The following NPAS3 variants were observed in gnomAD, a reference collection of about 807,000 sequenced individuals.
The protein encoded by NPAS3 is neuronal PAS domain protein 3.
In NPAS3, 14 loss-of-function variants were observed where a neutral mutation model predicts 73.1. The ratio of observed to expected loss-of-function variants is 0.19; its 90% CI spans 0.13 to 0.30. The LOEUF (loss-of-function observed/expected upper bound fraction) is 0.30. Among genes scored for constraint, NPAS3 ranks in the 10% least tolerant of loss-of-function variants. NPAS3 has a pLI of 1.00. For synonymous variants in NPAS3, 620 were observed against 541.5 expected, an observed-to-expected ratio of 1.14 and a Z score of -2.01; for missense variants, 1,096 against 1,250.0, an observed-to-expected ratio of 0.88 and a Z score of 1.86.
intron 2 of NPAS3, among the ~76,000 whole-genome samples, chr14:33,132,108 T>C (rs2043659793): frequency 6.6e-6 from 1 of 151,916 alleles, no homozygotes; most frequent in Admixed American, 6.6e-5. Flanking sequence ...TGGAAGCTGG[T>C]GGGAAAGGGA....
intron 5 of NPAS3, among the ~76,000 whole-genome samples, chr14:33,653,929 T>A (rs948469842): frequency 1.3e-5 from 2 of 152,192 alleles, no homozygotes; most frequent in Admixed American, 6.5e-5. Flanking sequence ...ATGATTTTCC[T>A]CGTAACTCAC....
intron 3 of NPAS3, among the ~76,000 whole-genome samples, chr14:33,273,378 A>G (rs1304942588): frequency 6.6e-6 from 1 of 152,186 alleles, no homozygotes; most frequent in East Asian, 1.9e-4. Context: ...TAAAAGCTGT[A>G]GAAGTGGAAT....
chr14:33,281,226 T>C (rs1392845924), intron 3 of NPAS3, among the ~76,000 whole-genome samples: 1 of 152,260 alleles, frequency 6.6e-6, no homozygotes, highest in Non-Finnish European at 1.5e-5. Context: ...CATCTTGTCA[T>C]GGGATCTGGA....
At chr14:33,113,673 T>G (rs947749980) in intron 2 of NPAS3, among the ~76,000 whole-genome samples, 5 of 152,316 alleles carry the variant, frequency 3.3e-5, no homozygotes, top group Admixed American at 2.6e-4. Context: ...TTCTCCTGCC[T>G]GATTGCCCTG....
chr14:33,554,223 C>T (rs928214334), intron 4 of NPAS3, among the ~76,000 whole-genome samples: 2 of 152,168 alleles, frequency 1.3e-5, no homozygotes, highest in African/African-American at 4.8e-5. Flanking sequence ...GTCTTAGCAG[C>T]TATTAAATGC....
In NPAS3 at chr14:33,523,123, T is replaced by G. The variant is rs73267053; in HGVS notation, c.469-36998T>G. 7.7e-3 allele frequency among the ~76,000 whole-genome samples: 1,168 copies of G among 152,152 alleles called. 11 individuals carry two copies. The highest frequency in any genetic ancestry group is 0.027 in the African/African-American group (1,110 of 41,516). On this transcript the variant is annotated intron_variant, in intron 4 of 11. Coordinates refer to ENST00000356141, the Ensembl canonical transcript of NPAS3. ...GGAATTATAATCCAGTAGAAGAAAT[T>G]AAACAAATACAACAAAAAGTAAGTT...
chr14:33,629,813 C>T (rs1387032894), intron 5 of NPAS3, among the ~76,000 whole-genome samples: 1 of 151,894 alleles, frequency 6.6e-6, no homozygotes, highest in Non-Finnish European at 1.5e-5. Context: ...CATCACAGGA[C>T]TTGGTAGCTT....
chr14:33,509,707 T>G (rs1418518974), intron 4 of NPAS3, among the ~76,000 whole-genome samples: 1 of 151,974 alleles, frequency 6.6e-6, no homozygotes, highest in Non-Finnish European at 1.5e-5. Flanking sequence ...ACTCTGGTCT[T>G]CAGTGTACTG....
chr14:33,049,816 C>A (rs2040640840), intron 1 of NPAS3, among the ~76,000 whole-genome samples: 1 of 152,168 alleles, frequency 6.6e-6, no homozygotes, highest in African/African-American at 2.4e-5. Context: ...ATGCTGGGAC[C>A]CTCAGACATC....
At chr14:33,714,101 C>T (rs1381608527) in intron 6 of NPAS3, among the ~76,000 whole-genome samples, 1 of 152,096 alleles carries the variant, frequency 6.6e-6, no homozygotes, top group Non-Finnish European at 1.5e-5. Flanking sequence ...CTCACCTGCA[C>T]ATTGTGCACA....
At chr14:33,457,562 C>T (rs8008909) in intron 4 of NPAS3, among the ~76,000 whole-genome samples, 2,233 of 152,322 alleles carry the variant, frequency 0.015, 57 homozygotes, top group African/African-American at 0.05. Context: ...AACTCACTTA[C>T]AGTAGGATGC....
chr14:33,694,844 T>C (rs1166404728), intron 6 of NPAS3, among the ~76,000 whole-genome samples: 1 of 152,228 alleles, frequency 6.6e-6, no homozygotes, highest in African/African-American at 2.4e-5. Flanking sequence ...CCTTTCTACG[T>C]GACCCCTGAT....
chr14:33,051,036 A>G (rs1288565366), intron 1 of NPAS3, among the ~76,000 whole-genome samples: 1 of 152,034 alleles, frequency 6.6e-6, no homozygotes, highest in Admixed American at 6.5e-5. Context: ...GCACTTTGGG[A>G]GGCCGAGGCG....
At chr14:33,383,088 T>TAAAAA (rs34877774) in intron 4 of NPAS3, among the ~76,000 whole-genome samples, 3 of 104,292 alleles carry the variant, frequency 2.9e-5, no homozygotes, top group Non-Finnish European at 3.8e-5. Context: ...GACCCTGTCT[T>TAAAAA]AAAAAAAAAA....
intron 2 of NPAS3, among the ~76,000 whole-genome samples, chr14:33,165,703 CTCT>C (rs1209314102): frequency 5.3e-5 from 8 of 151,756 alleles, no homozygotes; most frequent in African/African-American, 1.9e-4. Flanking sequence ...CTTACTTCCT[CTCT>C]TTTTTTTTTT....
chr14:32,972,096 G>T lies in NPAS3; in HGVS notation c.50+32730G>T, dbSNP rs185569416. On this transcript the variant is annotated intron_variant, in intron 1 of 11. Transcript: ENST00000356141. Reference sequence around the variant, plus strand: ...TGGGACTACAGGCGCTCGCCACCACGCCTGGCTAATTCTTTGTATTTTTAG... The same window carrying T: ...TGGGACTACAGGCGCTCGCCACCACTCCTGGCTAATTCTTTGTATTTTTAG... Among the ~76,000 whole-genome samples the T allele has an allele frequency of 3.6e-4, 54 of 151,970 alleles. 1 individual carries two copies. Among genetic ancestry groups the T allele is most frequent in the Admixed American group, 3.5e-3 (53 of 15,244 alleles).
In NPAS3 at chr14:33,434,234, T is replaced by C. The variant is rs553011707; in HGVS notation, c.468+66966T>C. 2.0e-5 allele frequency among the ~76,000 whole-genome samples: 3 copies of C among 150,622 alleles called. No individual in the cohort carries two copies. In the East Asian group the frequency reaches 6.0e-4, roughly 30 times the overall value. On this transcript the variant is annotated intron_variant, in intron 4 of 11. Coordinates refer to ENST00000356141, the Ensembl canonical transcript of NPAS3. ...TAAACAAACAAACACAGTAATCAAA[T>C]TTCTGTAGTTGGCCAGGTGTGGTGG... is the stretch of plus-strand genomic sequence containing the variant.
chr14:33,021,944 C>T (rs1297909469), intron 1 of NPAS3, among the ~76,000 whole-genome samples: 1 of 152,056 alleles, frequency 6.6e-6, no homozygotes, highest in Non-Finnish European at 1.5e-5. Context: ...TATTATCATC[C>T]CCATTGCACT....
At chr14:33,466,633 T>C (rs2050537889) in intron 4 of NPAS3, among the ~76,000 whole-genome samples, 1 of 152,152 alleles carries the variant, frequency 6.6e-6, no homozygotes, top group African/African-American at 2.4e-5. Context: ...ACAGAAAGCA[T>C]AGTAGCTTCT....
Sources: gnomAD v4.1 joint callset for allele counts (sites outside exome capture counted in the v4.1 genomes callset) on GRCh38, gnomAD v4.1.1 for gene constraint, MANE v1.5 for transcripts, NCBI Gene and HGNC (gene_info 2026-07-23, HGNC 2026-07-21) for gene names.